Variants in DPEP2 observed in about 807,000 individuals in gnomAD.
DPEP2 encodes dipeptidase 2.
Under a neutral mutation model 51.8 loss-of-function variants are expected in DPEP2, and 45 were observed. The observed-to-expected ratio is 0.87, with a 90% CI of 0.68 to 1.11. The LOEUF (loss-of-function observed/expected upper bound fraction) is 1.11. DPEP2 is among the 50% of genes most tolerant of loss of function. The pLI is 0.00. For missense variants in DPEP2, 604 were observed against 631.9 expected (o/e 0.96, Z 0.47); for synonymous variants, 255 against 262.7 (o/e 0.97, Z 0.28).
intron 1 of DPEP2, chr16:67,993,676 C>T: frequency 1.0e-6 from 1 of 987,890 alleles, no homozygotes; most frequent in Non-Finnish European, 1.2e-6. Flanking sequence ...TGTCCCCAAC[C>T]GCCTGCAACG....
At chr16:67,994,290 C>T in intron 1 of DPEP2, 1 of 985,542 alleles carries the variant, frequency 1.0e-6, no homozygotes, top group Non-Finnish European at 1.2e-6. Flanking sequence ...CAGCCACACT[C>T]CTCTTATCTT....
In DPEP2 at chr16:67,992,630, G is replaced by A. The variant is rs772740616; in HGVS notation, c.270C>T (p.Asn90=). 169 of 1,613,006 alleles carry A rather than the reference G, an allele frequency of 1.0e-4. 1 individual carries two copies. The highest frequency in any genetic ancestry group is 4.1e-4 in the African/African-American group (31 of 74,922). Residue 90 remains asparagine, a synonymous_variant, in exon 3 of 11, where the codon AAC becomes AAT. Transcript: ENST00000393847. ...CCTGCCTTAGGACCAGGGGCAGGTC[G>A]TTGTGGCTGGAGGGATGTCAAGCCA... ...MRDFPLVDGH[N]DLPLVLRQVY... is the part of the protein sequence containing the mutation.
chr16:67,988,414 G>A (rs2031693848), intron 9 of DPEP2, among the ~76,000 whole-genome samples: 1 of 136,424 alleles, frequency 7.3e-6, no homozygotes, highest in Non-Finnish European at 1.5e-5. Context: ...AGAAAGAAAG[G>A]AAAGAAAGGA....
rs1312357843 is a variant in DPEP2 at position 67,987,680 on chromosome 16, G to A, written c.1287C>T (p.Asp429=). ...TCTGTCTCTGACGCAGACGTGAGAGGTCGGAGTGGCAGGAACTGCTCAGCT... is the reference window on the plus strand; with the variant it reads ...TCTGTCTCTGACGCAGACGTGAGAGATCGGAGTGGCAGGAACTGCTCAGCT... ...DEQLSSSCHS[D]LSRLRQRQSL... The change falls in exon 11 of 11, where the codon GAC becomes GAT. Residue 429 remains aspartate, a synonymous_variant. Coordinates refer to ENST00000393847, the MANE Select transcript of DPEP2 (RefSeq NM_022355.4). 6.2e-7 allele frequency: 1 copy of A among 1,614,210 alleles called. No homozygotes were observed. Among genetic ancestry groups the A allele is most frequent in the African/African-American group, 1.3e-5 (1 of 75,054 alleles).
intron 1 of DPEP2, among the ~76,000 whole-genome samples, chr16:67,998,139 C>T (rs1282216323): frequency 2.0e-5 from 3 of 152,204 alleles, no homozygotes; most frequent in Non-Finnish European, 4.4e-5. Flanking sequence ...TTCAGCCCAC[C>T]GCTGCACTGT....
intron 8 of DPEP2, 113 bp from the exon 9 acceptor site, chr16:67,989,511 A>T: frequency 9.2e-7 from 1 of 1,089,284 alleles, no homozygotes; most frequent in Non-Finnish European, 1.4e-6. Context: ...AGGCAGGCTA[A>T]TTCCTTTATG....
Position 67,993,001 on chromosome 16 carries a change from C to A in DPEP2, c.212G>T (p.Gly71Val). The A allele has an allele frequency of 6.2e-7, 1 of 1,608,520 alleles. No homozygotes were observed. The stretch of plus-strand genomic sequence containing the variant: ...CAGGGCCCGTGCCTGCTCTTGCAGG[C>A]CCTGGGTGCTGGGACTACTGAGTGT... ...STTLSSPSTQ[G>V]LQEQARALMR... Residue 71 changes from glycine to valine, a missense_variant, in exon 2 of 11, where the codon GGC becomes GTC. Gly to Val is a moderately radical substitution (Grantham distance 109, BLOSUM62 -3). Coordinates refer to ENST00000393847, the MANE Select transcript of DPEP2 (RefSeq NM_022355.4).
At chr16:67,999,613 T>C (rs566329066), upstream of DPEP2, 1 of 509,088 alleles carries the variant, frequency 2.0e-6, no homozygotes, top group South Asian at 8.4e-5. Context: ...CCACGATGCC[T>C]GGCCTGTTCC....
Position 67,987,532 on chromosome 16 carries a change from A to G in DPEP2, c.1435T>C (p.Phe479Leu). Residue 479 changes from phenylalanine (F) to leucine (L), a missense_variant, in exon 11 of 11, where the codon TTC becomes CTC. Transcript: ENST00000393847. The part of the protein sequence containing the change: ...MAPVLAVVAT[F>L]PVLILWL The stretch of plus-strand genomic sequence containing the variant: ...CAGAGCCACAGAATAAGGACTGGGA[A>G]GGTGGCCACAACTGCAAGGACTGGG... The G allele has an allele frequency of 3.1e-6, 5 of 1,613,946 alleles. No homozygotes were observed. Among genetic ancestry groups the G allele is most frequent in the Non-Finnish European group, 4.2e-6 (5 of 1,179,818 alleles).
chr16:67,992,863 C>G (rs2032349195), intron 2 of DPEP2, 87 bp downstream of exon 2: 1 of 1,503,880 alleles, frequency 6.6e-7, no homozygotes, highest in African/African-American at 1.4e-5. Context: ...TGTGAGGGAG[C>G]CTCCTCCACA....
At chr16:67,988,656 A>C (rs2151361793) in intron 9 of DPEP2, among the ~76,000 whole-genome samples, 1 of 151,638 alleles carries the variant, frequency 6.6e-6, no homozygotes, top group African/African-American at 2.4e-5. Flanking sequence ...GAGGTGGCTT[A>C]GGCCTGTAAT....
chr16:67,994,308 CTGTGGCT>C (rs2032534733), intron 1 of DPEP2: 2 of 985,360 alleles, frequency 2.0e-6, no homozygotes, highest in African/African-American at 3.5e-5. Context: ...CTTGTGGCTC[CTGTGGCT>C]TGAGCTCTCA....
Position 67,992,633 on chromosome 16 carries a change from G to T in DPEP2, c.267C>A (p.His89Gln). Residue 89 changes from histidine (H) to glutamine (Q), a missense_variant, in exon 3 of 11, where the codon CAC becomes CAA. Coordinates refer to ENST00000393847, the MANE Select transcript of DPEP2 (RefSeq NM_022355.4). ...GCCTTAGGACCAGGGGCAGGTCGTT[G>T]TGGCTGGAGGGATGTCAAGCCAGGG... ...LMRDFPLVDG[H>Q]NDLPLVLRQV... The T allele has an allele frequency of 6.2e-7, 1 of 1,612,812 alleles. No individual in the cohort carries two copies. The highest frequency in any genetic ancestry group is 8.5e-7 in the Non-Finnish European group (1 of 1,178,996).
chr16:67,992,820 A>C, intron 2 of DPEP2, 130 bp downstream of exon 2: 1 of 1,478,924 alleles, frequency 6.8e-7, no homozygotes, highest in Non-Finnish European at 9.0e-7. Flanking sequence ...AAGGGTACCC[A>C]TGCATGACGG....
At position 67,991,652 on chromosome 16, in the gene DPEP2, A is replaced by T; in HGVS notation, c.662+186T>A. 2.3e-6 allele frequency: 2 copies of T among 884,028 alleles called. No individual in the cohort carries two copies. The highest frequency in any genetic ancestry group is 3.3e-6 in the Non-Finnish European group (2 of 603,794). 54.8% of individuals were successfully genotyped at this position (884,028 alleles called of 1,614,324 possible). On this transcript the variant is annotated intron_variant, in intron 5 of 10. Coordinates refer to ENST00000393847, the MANE Select transcript of DPEP2 (RefSeq NM_022355.4). The surrounding 1 kb of genome is among the most constrained non-coding windows in gnomAD (Gnocchi z 5.1). Reference sequence around the variant, plus strand: ...CTCAGCCTCCCAAAGTTTTGGGATTACAGGCATGAGCCACCGCGTCTGGCC... The same window carrying T: ...CTCAGCCTCCCAAAGTTTTGGGATTTCAGGCATGAGCCACCGCGTCTGGCC...
Position 67,991,669 on chromosome 16 carries a change from C to T in DPEP2, c.662+169G>A, listed in dbSNP as rs1160009028. ...TTGGGATTACAGGCATGAGCCACCG[C>T]GTCTGGCCAGGGGTCAAGTCGTATT... On this transcript the variant is annotated intron_variant, in intron 5 of 10. Coordinates refer to ENST00000393847, the MANE Select transcript of DPEP2 (RefSeq NM_022355.4). The surrounding 1 kb of genome is among the most constrained non-coding windows in gnomAD (Gnocchi z 5.1). The T allele has an allele frequency of 7.6e-6, 8 of 1,049,776 alleles. No homozygotes were observed. Among genetic ancestry groups the T allele is most frequent in the East Asian group, 5.3e-5 (2 of 38,040 alleles). The allele number at this position is 1,049,776 out of a possible 1,614,324, so 65.0% of individuals were successfully genotyped here.
intron 9 of DPEP2, among the ~76,000 whole-genome samples, chr16:67,989,087 G>C (rs1365024363): frequency 6.6e-6 from 1 of 152,216 alleles, no homozygotes; most frequent in African/African-American, 2.4e-5. Context: ...TGCTCAGGGA[G>C]AGTGAGTCTC....
intron 1 of DPEP2, among the ~76,000 whole-genome samples, chr16:67,999,033 C>G (rs112344295): frequency 2.0e-3 from 305 of 152,304 alleles, no homozygotes; most frequent in Non-Finnish European, 3.6e-3. Flanking sequence ...AGCAGGCTGC[C>G]TGAGCCCGCA....
intron 1 of DPEP2, 35 bp from the exon 2 acceptor site, chr16:67,993,292 T>A: frequency 7.3e-7 from 1 of 1,367,734 alleles, no homozygotes; most frequent in Non-Finnish European, 9.4e-7. Context: ...AGCGCGACGA[T>A]GGAGTCCCGA....
Sources: allele counts gnomAD v4.1 joint callset (sites outside exome capture counted in the v4.1 genomes callset), GRCh38; gene constraint gnomAD v4.1.1; non-coding constraint Gnocchi (gnomAD v3.1); transcripts MANE v1.5; gene names NCBI Gene and HGNC (gene_info 2026-07-23, HGNC 2026-07-21).